Variants in LRIT3 observed in about 807,000 individuals in gnomAD.
LRIT3 encodes leucine-rich repeat, immunoglobulin-like domain and transmembrane domain-containing protein 3.
A neutral mutation model predicts 22.6 loss-of-function variants in LRIT3; 14 were observed. The observed-to-expected ratio is 0.62, with a 90% CI of 0.41 to 0.97. The LOEUF (loss-of-function observed/expected upper bound fraction) is 0.97, where lower values mean the gene tolerates loss of function less well. Ranked by LOEUF, LRIT3 falls within the 50% of genes least tolerant of loss-of-function variation. The pLI, the probability that LRIT3 is intolerant of heterozygous loss-of-function variation, is 0.00. For missense variants in LRIT3, 783 were observed against 803.0 expected (o/e 0.98, Z 0.30); for synonymous variants, 306 against 304.5 (o/e 1.01, Z -0.05).
At chr4:109,861,338 GA>G (rs34877226) in intron 2 of LRIT3, among the ~76,000 whole-genome samples, 34,305 of 142,854 alleles carry the variant, frequency 0.24, 4,881 homozygotes, top group African/African-American at 0.38. Flanking sequence ...ATCCTGGGTG[GA>G]AAAAAAAAAA....
At chr4:109,851,997 G>A in intron 2 of LRIT3, 21 bp downstream of exon 2, 6 of 1,501,644 alleles carry the variant, frequency 4.0e-6, no homozygotes, top group Non-Finnish European at 5.3e-6. Flanking sequence ...AAGCCTCTGG[G>A]CTTTTCATCT....
intron 3 of LRIT3, among the ~76,000 whole-genome samples, chr4:109,868,957 T>C (rs1014250444): frequency 6.6e-6 from 1 of 152,186 alleles, no homozygotes; most frequent in Admixed American, 6.5e-5. Context: ...GAAAAGCTTC[T>C]GAAATCAAGG....
Position 109,851,714 on chromosome 4 carries a change from G to C in LRIT3, c.327G>C (p.Glu109Asp). ...SSFYNLKQLHELRLDGNSLAA... is the reference protein window; with the variant it reads ...SSFYNLKQLHDLRLDGNSLAA... ...TTTACAACCTGAAGCAACTGCATGA[G>C]TTGCGCTTGGATGGGAATTCTCTGG... The change falls in exon 2 of 4, where the codon GAG (glutamate) becomes GAC (aspartate). Residue 109 changes from glutamate to aspartate, a missense_variant. Glu to Asp is a conservative substitution (Grantham distance 45, BLOSUM62 2). Coordinates refer to ENST00000594814, the MANE Select transcript of LRIT3 (RefSeq NM_198506.5). 6.4e-7 allele frequency: 1 copy of C among 1,551,736 alleles called. No individual in the cohort carries two copies. Among genetic ancestry groups the C allele is most frequent in the Non-Finnish European group, 8.7e-7 (1 of 1,147,008 alleles).
intron 1 of LRIT3, among the ~76,000 whole-genome samples, chr4:109,850,361 T>G (rs976570146): frequency 0.056 from 17 of 304 alleles, no homozygotes; most frequent in African/African-American, 0.096. Context: ...TTGTCTTCCT[T>G]CCTTCCTTCC....
At chr4:109,850,310 T>C (rs2125896420) in intron 1 of LRIT3, among the ~76,000 whole-genome samples, 1 of 151,970 alleles carries the variant, frequency 6.6e-6, no homozygotes, top group Non-Finnish European at 1.5e-5. Context: ...GAATCTAAAT[T>C]CTCAGATTCC....
Position 109,858,462 on chromosome 4 carries a change from T to C in LRIT3, c.589+6486T>C, listed in dbSNP as rs139042966. On this transcript the variant is annotated intron_variant, in intron 2 of 3. Transcript: ENST00000594814. ...TTTCTCTGTCTCGTTGTTGCATGCA[T>C]CTTCAGGACACAATTTCAGGTGTCT... 2.8e-3 allele frequency among the ~76,000 whole-genome samples: 429 copies of C among 152,284 alleles called. 4 individuals carry two copies. The highest frequency in any genetic ancestry group is 3.4e-3 in the Non-Finnish European group (232 of 68,014).
chr4:109,855,517 G>A lies in LRIT3; in HGVS notation c.589+3541G>A, dbSNP rs139892046. ...TCCTGGATTCACTGATATTTTGAAG[G>A]GTTTTTTCTGTCTCTATCTCCTTCA... On this transcript the variant is annotated intron_variant, in intron 2 of 3. Transcript: ENST00000594814. Among the ~76,000 whole-genome samples the A allele has an allele frequency of 8.6e-4, 131 of 152,160 alleles. 1 individual carries two copies. The highest frequency in any genetic ancestry group is 3.1e-3 in the African/African-American group (127 of 41,506).
rs1560588907 is a variant in LRIT3 at position 109,850,412 on chromosome 4, TTC to T, written c.117-1091_117-1090del. ...CTTCCTTCCTTCCTTCCTTCCTTCCTTCCTTCCTTCCTTTCTTTCTTTCTTTC... is the reference window on the plus strand; with the variant it reads ...CTTCCTTCCTTCCTTCCTTCCTTCCTCTTCCTTCCTTTCTTTCTTTCTTTC... On this transcript the variant is annotated intron_variant, in intron 1 of 3. Coordinates refer to ENST00000594814, the MANE Select transcript of LRIT3 (RefSeq NM_198506.5). Among the ~76,000 whole-genome samples, 45 of 16,000 alleles carry T rather than the reference TTC, an allele frequency of 2.8e-3. 5 individuals are homozygous for T. Among genetic ancestry groups the T allele is most frequent in the African/African-American group, 0.013 (42 of 3,220 alleles). The allele number at this position is 16,000 out of a possible 152,430, so 10.5% of individuals were successfully genotyped here. A position where few individuals can be genotyped will look rare whatever the true frequency, so the allele number is the denominator to read the frequency against.
Position 109,867,787 on chromosome 4 carries a change from G to A in LRIT3, c.736G>A (p.Ala246Thr). The change falls in exon 3 of 4, where the codon GCT becomes ACT. Residue 246 changes from alanine (A) to threonine (T), a missense_variant. Physicochemically the swap from Ala to Thr is moderately conservative, Grantham distance 58 (BLOSUM62 0). Transcript: ENST00000594814. ...CCTCACAGGAATTTTGTTTCAGCGG[G>A]CTGAATTGGAGCATTGTCTGAAACC... Reference protein sequence around the residue: ...ERLTGILFQRAELEHCLKPSV... With the variant: ...ERLTGILFQRTELEHCLKPSV... 1 of 1,614,108 alleles carries A rather than the reference G, an allele frequency of 6.2e-7. No homozygotes were observed. The highest frequency in any genetic ancestry group is 1.1e-5 in the South Asian group (1 of 91,084).
intron 1 of LRIT3, among the ~76,000 whole-genome samples, chr4:109,850,407 CTTCCTTCCTTCCTTCCTTTCTTTCTTTCT>C (rs1734195187): frequency 6.1e-4 from 6 of 9,796 alleles, no homozygotes; most frequent in African/African-American, 1.1e-3. Flanking sequence ...TCCTTCCTTC[CTTCCTTCCTTCCTTCCTTTCTTTCTTTCT>C]TTCTTTCTTT....
intron 2 of LRIT3, among the ~76,000 whole-genome samples, chr4:109,867,043 C>T (rs1734697584): frequency 1.3e-5 from 2 of 152,194 alleles, no homozygotes; most frequent in Non-Finnish European, 1.5e-5. Context: ...ACAAAGCTTG[C>T]ATTACCTCAA....
intron 2 of LRIT3, among the ~76,000 whole-genome samples, chr4:109,856,496 A>T (rs1304841769): frequency 1.3e-5 from 2 of 152,186 alleles, no homozygotes; most frequent in Admixed American, 1.3e-4. Flanking sequence ...ATACCATCTA[A>T]AACTTCATCA....
Position 109,870,496 on chromosome 4 carries a change from C to G in LRIT3, c.1747C>G (p.Leu583Val). Reference sequence around the variant, plus strand: ...TGAAGGAGATGATTCTCAATGGTCTCTCCTTCTCGTGGTGACCAGTACTGC... The same window carrying G: ...TGAAGGAGATGATTCTCAATGGTCTGTCCTTCTCGTGGTGACCAGTACTGC... Reference protein sequence around the residue: ...RVEGDDSQWSLLLVVTSTACV... With the variant: ...RVEGDDSQWSVLLVVTSTACV... The change falls in exon 4 of 4, where the codon CTC becomes GTC. Residue 583 changes from leucine (L) to valine (V), a missense_variant. By Grantham distance (32) the Leu-to-Val change is conservative. Transcript: ENST00000594814. 6.2e-7 allele frequency: 1 copy of G among 1,614,208 alleles called. No individual in the cohort carries two copies. The highest frequency in any genetic ancestry group is 8.5e-7 in the Non-Finnish European group (1 of 1,180,028).
chr4:109,868,209 T>G (rs1734732689), intron 3 of LRIT3, among the ~76,000 whole-genome samples: 1 of 152,220 alleles, frequency 6.6e-6, no homozygotes, highest in Admixed American at 6.5e-5. Context: ...AGACAAGGTC[T>G]TTGTCTTGCT....
At chr4:109,856,461 G>A (rs926325967) in intron 2 of LRIT3, among the ~76,000 whole-genome samples, 1 of 152,134 alleles carries the variant, frequency 6.6e-6, no homozygotes, top group African/African-American at 2.4e-5. Flanking sequence ...ATTGAATGGG[G>A]TTGAGATTAG....
At chr4:109,854,582 C>T (rs1237482504) in intron 2 of LRIT3, among the ~76,000 whole-genome samples, 1 of 152,144 alleles carries the variant, frequency 6.6e-6, no homozygotes, top group Non-Finnish European at 1.5e-5. Flanking sequence ...TGCCTGATTG[C>T]CCTGGCCAGA....
At chr4:109,851,399 G>A (rs2125897051) in intron 1 of LRIT3, 105 bp from the exon 2 acceptor site, 2 of 1,422,916 alleles carry the variant, frequency 1.4e-6, no homozygotes, top group East Asian at 2.5e-5. Flanking sequence ...ACAGGCGTGA[G>A]CCACTGCCCA....
intron 2 of LRIT3, among the ~76,000 whole-genome samples, chr4:109,862,106 G>A (rs114705636): frequency 0.013 from 1,913 of 152,284 alleles, 38 homozygotes; most frequent in African/African-American, 0.043. Context: ...ACAAAGCTGA[G>A]TAGGCATAGT....
intron 2 of LRIT3, among the ~76,000 whole-genome samples, chr4:109,856,077 G>T (rs955105482): frequency 2.6e-5 from 4 of 152,250 alleles, no homozygotes; most frequent in African/African-American, 7.2e-5. Context: ...TCTGAGATAG[G>T]AATCTTGGTG....
Sources: allele counts gnomAD v4.1 joint callset (sites outside exome capture counted in the v4.1 genomes callset), GRCh38; gene constraint gnomAD v4.1.1; transcripts MANE v1.5; gene names NCBI Gene and HGNC (gene_info 2026-07-23, HGNC 2026-07-21).